Variants in MCF2L observed in about 807,000 individuals in gnomAD.
The protein encoded by MCF2L is MCF.2 cell line derived transforming sequence like, also known as guanine nucleotide exchange factor DBS.
In MCF2L, 97 loss-of-function variants were observed where a neutral mutation model predicts 153.4. The observed-to-expected ratio is 0.63, with a 90% confidence interval of 0.54 to 0.75. MCF2L has a LOEUF of 0.75. Among genes scored for constraint, MCF2L ranks in the 30% least tolerant of loss-of-function variants. MCF2L has a pLI of 0.00. For synonymous variants in MCF2L, 659 were observed against 632.2 expected (o/e 1.04, Z -0.64); for missense variants, 1,347 against 1,495.2 (o/e 0.90, Z 1.64).
intron 2 of MCF2L, among the ~76,000 whole-genome samples, chr13:112,939,994 G>T (rs1206796024): frequency 6.6e-6 from 1 of 151,828 alleles, no homozygotes; most frequent in South Asian, 2.1e-4. Flanking sequence ...TTCTAGGCAG[G>T]TGCAGAGCGG....
intron 2 of MCF2L, among the ~76,000 whole-genome samples, chr13:112,927,840 CCAA>C (rs921530092): frequency 1.3e-5 from 2 of 152,196 alleles, no homozygotes; most frequent in Admixed American, 6.5e-5. Flanking sequence ...CCTGGTTTCT[CCAA>C]CAACAACAAC....
At chr13:112,916,277 G>A (rs1447185126) in intron 2 of MCF2L, among the ~76,000 whole-genome samples, 1 of 152,026 alleles carries the variant, frequency 6.6e-6, no homozygotes, top group South Asian at 2.1e-4. Flanking sequence ...TTAGGTTAGC[G>A]GATAGTTTAT....
intron 1 of MCF2L, chr13:112,985,393 G>C (rs1347685372): frequency 6.4e-6 from 3 of 470,950 alleles, no homozygotes; most frequent in Non-Finnish European, 1.3e-5. Flanking sequence ...ATGGGGGACG[G>C]AAAGGCTGTC....
At position 112,974,439 on chromosome 13, in the gene MCF2L, A is replaced by C. The variant is rs141387416; in HGVS notation, c.79+4981A>C. Among the ~76,000 whole-genome samples the C allele has an allele frequency of 4.7e-3, 718 of 152,188 alleles. 5 individuals carry two copies. Among genetic ancestry groups the C allele is most frequent in the African/African-American group, 0.017 (699 of 41,536 alleles). On this transcript the variant is annotated intron_variant, in intron 1 of 29. Transcript: ENST00000535094. ...TGGATGAGTTTGCTTGGACTTTTGC[A>C]CCCCTGGCATGCTGCTGTTCTGCTG...
In MCF2L at chr13:112,902,806, G is replaced by C. The variant is rs2081132582; in HGVS notation, c.169+435G>C. The stretch of plus-strand genomic sequence containing the variant: ...ATATTAACATGGCAAAGCCTCAGCT[G>C]GTCTCCAGACCAGTGCCCCTGCCTG... On this transcript the variant is annotated intron_variant, in intron 2 of 29. Coordinates refer to the MCF2L transcript ENST00000375608. Among the ~76,000 whole-genome samples, 3 of 152,198 alleles carry C rather than the reference G, an allele frequency of 2.0e-5. No homozygotes were observed. In the South Asian group the frequency reaches 6.2e-4, roughly 32 times the overall value.
At chr13:112,923,430 A>AT (rs2081373646) in intron 2 of MCF2L, among the ~76,000 whole-genome samples, 2 of 151,198 alleles carry the variant, frequency 1.3e-5, no homozygotes, top group Admixed American at 1.3e-4. Flanking sequence ...CGCCTGGCTA[A>AT]TTTTTTTGTA....
chr13:113,045,216 G>A lies in MCF2L; in HGVS notation c.279-55G>A. On this transcript the variant is annotated intron_variant, in intron 3 of 29. Transcript: ENST00000535094. This position sits in a 1 kb window ranked among gnomAD's most constrained non-coding sequence, Gnocchi z 4.2. ...AAGAGGTTTTCTGAGGGATTTCGTG[G>A]GCAGCCGGCTTCCCACCTGCACACA... is the stretch of plus-strand genomic sequence containing the variant. 3 of 1,396,104 alleles carry A rather than the reference G, an allele frequency of 2.1e-6. No individual in the cohort carries two copies. Among genetic ancestry groups the A allele is most frequent in the Non-Finnish European group, 3.1e-6 (3 of 981,754 alleles). 86.5% of individuals were successfully genotyped at this position (1,396,104 alleles called of 1,614,324 possible).
At chr13:112,994,286 C>G (rs907711980) in intron 1 of MCF2L, among the ~76,000 whole-genome samples, 2 of 145,862 alleles carry the variant, frequency 1.4e-5, no homozygotes, top group African/African-American at 2.6e-5. Flanking sequence ...GTCGGCGTGA[C>G]GGGGCGCGGC....
intron 1 of MCF2L, among the ~76,000 whole-genome samples, chr13:112,974,111 C>T (rs1415316865): frequency 6.6e-6 from 1 of 152,184 alleles, no homozygotes; most frequent in Non-Finnish European, 1.5e-5. Context: ...GGCATTTCAT[C>T]ACCTGCCGCT....
At chr13:112,912,756 CTG>C (rs1014206956) in intron 2 of MCF2L, among the ~76,000 whole-genome samples, 3 of 151,642 alleles carry the variant, frequency 2.0e-5, no homozygotes, top group Non-Finnish European at 4.4e-5. Context: ...CTTTGTGTGG[CTG>C]TGTGTGTGTC....
rs558454997 is a variant in MCF2L, at chr13:112,993,116, G to T, written c.80-21647G>T. 1.3e-5 allele frequency among the ~76,000 whole-genome samples: 2 copies of T among 152,264 alleles called. No individual in the cohort carries two copies. Among genetic ancestry groups the T allele is most frequent in the Non-Finnish European group, 2.9e-5 (2 of 68,044 alleles). ...TGGCTTTTAAGCCAGAGATTACCACGCGCTGCCGCGGAGGGAGAGGTAGCG... is the reference window on the plus strand; with the variant it reads ...TGGCTTTTAAGCCAGAGATTACCACTCGCTGCCGCGGAGGGAGAGGTAGCG... On this transcript the variant is annotated intron_variant, in intron 1 of 29. Coordinates refer to ENST00000535094, the MANE Select transcript of MCF2L (RefSeq NM_001112732.3). This position sits in a 1 kb window ranked among gnomAD's most constrained non-coding sequence, Gnocchi z 4.6.
chr13:112,940,392 T>A (rs529131491), intron 2 of MCF2L, among the ~76,000 whole-genome samples: 1 of 152,210 alleles, frequency 6.6e-6, no homozygotes, highest in Non-Finnish European at 1.5e-5. Flanking sequence ...TGGAACTGAA[T>A]GCAGAATTCC....
rs151103371 is a variant in MCF2L, at chr13:113,053,960, C to T, written c.370-6633C>T. 2.6e-5 allele frequency among the ~76,000 whole-genome samples: 4 copies of T among 152,252 alleles called. No homozygotes were observed. The East Asian group carries it at 7.7e-4, about 29-fold the overall frequency. ...CTCAACTCTTGATGGGAGCTCAGTT[C>T]ACACGGCTCCGAATCGGCGAAACGC... On this transcript the variant is annotated intron_variant, in intron 4 of 29. Coordinates refer to ENST00000535094, the MANE Select transcript of MCF2L (RefSeq NM_001112732.3). This position sits in a 1 kb window ranked among gnomAD's most constrained non-coding sequence, Gnocchi z 4.4.
intron 2 of MCF2L, among the ~76,000 whole-genome samples, chr13:112,928,890 C>T (rs994140427): frequency 1.3e-5 from 2 of 152,214 alleles, no homozygotes; most frequent in South Asian, 4.1e-4. Context: ...TGGAGGTCTG[C>T]GCCTCCTCCC....
At position 113,096,889 on chromosome 13, in the gene MCF2L, T is replaced by C; in HGVS notation, c.*30T>C. ...GCCTCGGCGCCGGAGACCCGCGCGC[T>C]GTCTGGGGCTGCGGTGGCGTGGGGA... On this transcript the variant is annotated 3_prime_UTR_variant, in exon 30 of 30. Transcript: ENST00000535094. 1 of 1,329,224 alleles carries C rather than the reference T, an allele frequency of 7.5e-7. No individual in the cohort carries two copies. The highest frequency in any genetic ancestry group is 1.8e-5 in the South Asian group (1 of 55,024). The allele number at this position is 1,329,224 out of a possible 1,614,324, so 82.3% of individuals were successfully genotyped here.
chr13:113,065,438 C>T (rs2032217690), intron 7 of MCF2L: 2 of 288,954 alleles, frequency 6.9e-6, no homozygotes, highest in Non-Finnish European at 1.3e-5. Context: ...GGGGAGCTCC[C>T]GAATAGACAT....
intron 2 of MCF2L, among the ~76,000 whole-genome samples, chr13:113,017,382 T>C (rs1369422729): frequency 1.3e-5 from 2 of 152,230 alleles, no homozygotes; most frequent in Admixed American, 6.5e-5. Flanking sequence ...GCCTCACCTG[T>C]ACGTCGGTGT....
intron 21 of MCF2L, 28 bp from the exon 22 acceptor site, chr13:113,087,207 G>T: frequency 6.3e-7 from 1 of 1,598,540 alleles, no homozygotes; most frequent in South Asian, 1.1e-5. Flanking sequence ...ATCCCGTCCT[G>T]AACACAGCCC....
At chr13:113,026,940 C>A (rs767510446) in intron 3 of MCF2L, 27 of 776,692 alleles carry the variant, frequency 3.5e-5, no homozygotes, top group Non-Finnish European at 6.0e-5. Context: ...GGGGGTCTCT[C>A]ATCTGATGTG....
Sources: allele counts gnomAD v4.1 joint callset (sites outside exome capture counted in the v4.1 genomes callset), GRCh38; gene constraint gnomAD v4.1.1; non-coding constraint Gnocchi (gnomAD v3.1); transcripts MANE v1.5; gene names NCBI Gene and HGNC (gene_info 2026-07-23, HGNC 2026-07-21).